The following RBFOX1 variants were observed in gnomAD, a reference collection of about 807,000 sequenced individuals.
RBFOX1 encodes RNA binding protein fox-1 homolog 1.
RBFOX1 carries 8 observed loss-of-function variants against 57.7 expected under a neutral mutation model. That is an observed-to-expected ratio of 0.14 (90% CI 0.08 to 0.25). The LOEUF is 0.25. Ranked by LOEUF, RBFOX1 falls within the 10% of genes least tolerant of loss-of-function variation. The pLI is 1.00. For synonymous variants in RBFOX1, 326 were observed against 222.4 expected (o/e 1.47, Z -4.15); for missense variants, 611 against 548.5 (o/e 1.11, Z -1.14).
intron 14 of RBFOX1, among the ~76,000 whole-genome samples, chr16:7,680,604 T>C (rs1283592938): frequency 1.3e-5 from 2 of 151,894 alleles, no homozygotes; most frequent in East Asian, 3.9e-4. Flanking sequence ...TAAAGATCCA[T>C]GAAAGCCAAG....
At chr16:7,545,259 A>G (rs1482309915) in intron 5 of RBFOX1, among the ~76,000 whole-genome samples, 1 of 152,036 alleles carries the variant, frequency 6.6e-6, no homozygotes, top group Non-Finnish European at 1.5e-5. Context: ...CTTTCCTGAA[A>G]CAGCAGTTTT....
At chr16:5,608,890 C>A (rs1369770148) in intron 3 of RBFOX1, among the ~76,000 whole-genome samples, 1 of 152,284 alleles carries the variant, frequency 6.6e-6, no homozygotes, top group Admixed American at 6.5e-5. Flanking sequence ...CTCTTTAGTG[C>A]CCCTAATAAG....
chr16:7,008,617 C>A (rs551614641), intron 3 of RBFOX1, among the ~76,000 whole-genome samples: 90 of 137,336 alleles, frequency 6.6e-4, no homozygotes, highest in African/African-American at 2.5e-3. Flanking sequence ...AATGAAATTC[C>A]CTCCCTCCCT....
At chr16:5,303,985 GT>G (rs1243199146) in intron 1 of RBFOX1, among the ~76,000 whole-genome samples, 10 of 152,014 alleles carry the variant, frequency 6.6e-5, no homozygotes, top group Non-Finnish European at 1.3e-4. Flanking sequence ...TTTTCTCTAT[GT>G]TTTTTTAAAG....
intron 3 of RBFOX1, among the ~76,000 whole-genome samples, chr16:5,699,540 G>A (rs906246358): frequency 6.6e-6 from 1 of 151,718 alleles, no homozygotes; most frequent in Admixed American, 6.6e-5. Flanking sequence ...TGTACCATAT[G>A]ACTATTGCAC....
intron 4 of RBFOX1, among the ~76,000 whole-genome samples, chr16:5,996,298 G>C (rs1200453203): frequency 6.6e-6 from 1 of 152,128 alleles, no homozygotes; most frequent in African/African-American, 2.4e-5. Context: ...TTCACCAGAC[G>C]ATGTAGACTC....
chr16:6,002,214 T>C (rs528041381), intron 4 of RBFOX1, among the ~76,000 whole-genome samples: 1 of 152,280 alleles, frequency 6.6e-6, no homozygotes, highest in Admixed American at 6.5e-5. Flanking sequence ...TGGACTCAAA[T>C]GATCCTCCCG....
Position 6,537,740 on chromosome 16 carries a change from T to A in RBFOX1, c.-63-116863T>A, listed in dbSNP as rs1567600874. Among the ~76,000 whole-genome samples, 6 of 152,168 alleles carry A rather than the reference T, an allele frequency of 3.9e-5. No individual in the cohort carries two copies. The South Asian group carries it at 8.3e-4, about 21-fold the overall frequency. ...CCATTCCTTAAGGTTTTATAGCAGA[T>A]AAGAGAAGATAATGTGGTTCCAACT... is the stretch of plus-strand genomic sequence containing the variant. On this transcript the variant is annotated intron_variant, in intron 2 of 15. Coordinates refer to ENST00000550418, the MANE Select transcript of RBFOX1 (RefSeq NM_018723.4).
intron 1 of RBFOX1, among the ~76,000 whole-genome samples, chr16:6,142,559 C>G (rs565951164): frequency 6.6e-6 from 1 of 152,218 alleles, no homozygotes; most frequent in South Asian, 2.1e-4. Context: ...TCAGAACATT[C>G]CAAGTTCCCC....
intron 1 of RBFOX1, among the ~76,000 whole-genome samples, chr16:6,178,180 T>G (rs1379104369): frequency 8.7e-6 from 1 of 114,678 alleles, no homozygotes; most frequent in African/African-American, 3.9e-5. Context: ...GGTCACTCTT[T>G]TTTTTTTTTT....
intron 14 of RBFOX1, among the ~76,000 whole-genome samples, chr16:7,678,315 A>C (rs1277879419): frequency 6.6e-6 from 1 of 152,198 alleles, no homozygotes; most frequent in African/African-American, 2.4e-5. Flanking sequence ...GGATTAGGAA[A>C]GTAGAGAGGG....
At chr16:6,250,065 A>C (rs1222055734) in intron 1 of RBFOX1, among the ~76,000 whole-genome samples, 1 of 152,140 alleles carries the variant, frequency 6.6e-6, no homozygotes, top group African/African-American at 2.4e-5. Context: ...TAGCCCAGGC[A>C]CGTGGCAGGG....
intron 3 of RBFOX1, among the ~76,000 whole-genome samples, chr16:6,675,759 G>C (rs1603345482): frequency 6.6e-6 from 1 of 152,124 alleles, no homozygotes; most frequent in African/African-American, 2.4e-5. Context: ...GATCTTGTGA[G>C]ATTTACTCAC....
intron 3 of RBFOX1, among the ~76,000 whole-genome samples, chr16:6,941,266 C>T (rs1206388047): frequency 8.1e-6 from 1 of 124,062 alleles, no homozygotes; most frequent in Non-Finnish European, 1.7e-5. Flanking sequence ...CCTCCCATTT[C>T]CTCTCTCCCT....
At chr16:5,254,401 GTA>G (rs576250102) in intron 1 of RBFOX1, among the ~76,000 whole-genome samples, 140 of 152,256 alleles carry the variant, frequency 9.2e-4, no homozygotes, top group Admixed American at 2.9e-3. Flanking sequence ...CCTTCTTACT[GTA>G]TTCCATAAAA....
chr16:6,166,381 A>T (rs1229638655), intron 1 of RBFOX1, among the ~76,000 whole-genome samples: 2 of 145,606 alleles, frequency 1.4e-5, no homozygotes, highest in Admixed American at 1.4e-4. Flanking sequence ...CATCTAGCTT[A>T]AGGTGGCTGT....
chr16:6,724,087 G>A (rs1171987204), intron 3 of RBFOX1, among the ~76,000 whole-genome samples: 2 of 152,144 alleles, frequency 1.3e-5, no homozygotes, highest in African/African-American at 4.8e-5. Flanking sequence ...GATAGTATTA[G>A]GAGGTGATGA....
At chr16:7,607,897 C>G (rs955168143) in intron 10 of RBFOX1, among the ~76,000 whole-genome samples, 8 of 152,186 alleles carry the variant, frequency 5.3e-5, no homozygotes, top group Admixed American at 2.0e-4. Flanking sequence ...ATATGTCTCT[C>G]TCCTCACCCC....
intron 4 of RBFOX1, among the ~76,000 whole-genome samples, chr16:5,870,373 C>CAAA (rs59398844): frequency 0.016 from 1,485 of 91,074 alleles, 13 homozygotes; most frequent in African/African-American, 0.025. Flanking sequence ...ATTTGTATGG[C>CAAA]AAAAAAAAAA....
Sources: gnomAD v4.1 joint callset for allele counts (sites outside exome capture counted in the v4.1 genomes callset) on GRCh38, gnomAD v4.1.1 for gene constraint, MANE v1.5 for transcripts, NCBI Gene and HGNC (gene_info 2026-07-23, HGNC 2026-07-21) for gene names.